Variants in PES1 observed in about 807,000 individuals in gnomAD.
PES1 encodes the protein pescadillo homolog.
PES1 carries 31 observed loss-of-function variants against 77.1 expected under a neutral mutation model. The ratio of observed to expected loss-of-function variants is 0.40; its 90% CI spans 0.30 to 0.54. PES1 has a LOEUF of 0.54. Among genes scored for constraint, PES1 ranks in the 20% least tolerant of loss-of-function variants. PES1 has a pLI of 0.45. For synonymous variants in PES1, 282 were observed against 303.0 expected, an observed-to-expected ratio of 0.93 and a Z score of 0.72; for missense variants, 658 against 771.7, an observed-to-expected ratio of 0.85 and a Z score of 1.75.
At chr22:30,577,219 G>C (rs1300054348) in intron 14 of PES1, 90 bp from the exon 15 acceptor site, 2 of 1,102,144 alleles carry the variant, frequency 1.8e-6, no homozygotes, top group African/African-American at 3.1e-5. Context: ...CTTAAAAGCA[G>C]AGCTTCAAGA....
At chr22:30,603,728 A>G (rs1220200715) in intron 2 of PES1, 1 of 152,220 alleles carries the variant, frequency 6.6e-6, no homozygotes, top group East Asian at 1.9e-4. Flanking sequence ...ACTAAAATAG[A>G]TATTTCATAT....
In PES1 at chr22:30,587,268, G is replaced by C. The variant is rs779311526; in HGVS notation, c.368+18C>G. On this transcript the variant is annotated intron_variant, in intron 4 of 14. Coordinates refer to ENST00000354694, the MANE Select transcript of PES1 (RefSeq NM_014303.4). The stretch of plus-strand genomic sequence containing the variant: ...GTAAATGAAGAAACAGCAGTGTCCT[G>C]AGGAAAGCCCGGCTCACCGTTCCTT... 5 of 1,549,686 alleles carry C rather than the reference G, an allele frequency of 3.2e-6. No individual in the cohort carries two copies. In the South Asian group the frequency reaches 5.6e-5, roughly 17 times the overall value.
upstream of PES1, chr22:30,591,923 C>T: frequency 6.7e-7 from 1 of 1,483,026 alleles, no homozygotes; most frequent in African/African-American, 1.4e-5. Flanking sequence ...CGAGGACCCT[C>T]CCCACCCCAC....
chr22:30,595,945 C>G (rs1181210537), upstream of PES1, among the ~76,000 whole-genome samples: 5 of 152,182 alleles, frequency 3.3e-5, no homozygotes, highest in Non-Finnish European at 7.3e-5. Context: ...GGGACAGTCT[C>G]TAGCCAACCA....
chr22:30,580,735 G>C, intron 9 of PES1, 34 bp from the exon 10 acceptor site: 3 of 1,610,934 alleles, frequency 1.9e-6, no homozygotes, highest in Non-Finnish European at 2.5e-6. Flanking sequence ...CGCACCACCA[G>C]GGCTGCCCAC....
At chr22:30,588,885 G>A (rs997122500) in intron 2 of PES1, among the ~76,000 whole-genome samples, 1 of 152,188 alleles carries the variant, frequency 6.6e-6, no homozygotes, top group South Asian at 2.1e-4. Flanking sequence ...TTGACTCTAT[G>A]AGGAATGAGA....
In PES1 at chr22:30,584,423, T is replaced by A. The variant is rs2087038277; in HGVS notation, c.572A>T (p.Gln191Leu). 2 of 1,612,326 alleles carry A rather than the reference T, an allele frequency of 1.2e-6. No individual in the cohort carries two copies. The highest frequency in any genetic ancestry group is 1.3e-5 in the African/African-American group (1 of 74,880). Reference protein sequence around the residue: ...VFLSIKGIYYQAEVLGQPIVW... With the variant: ...VFLSIKGIYYLAEVLGQPIVW... ...GATGGGCTGCCCCAGTACCTCGGCC[T>A]GGTAGTAAATGCCTTTGATGGACAG... is the stretch of plus-strand genomic sequence containing the variant. Residue 191 changes from glutamine to leucine, a missense_variant, in exon 6 of 15, where the codon CAG becomes CTG. Gln to Leu is a moderately radical substitution (Grantham distance 113, BLOSUM62 -2). Coordinates refer to ENST00000354694, the MANE Select transcript of PES1 (RefSeq NM_014303.4).
chr22:30,581,856 A>G (rs1029786757), intron 6 of PES1, among the ~76,000 whole-genome samples: 2 of 152,106 alleles, frequency 1.3e-5, no homozygotes, highest in Non-Finnish European at 2.9e-5. Context: ...GCCACAAGTG[A>G]GGCTCTGGAT....
chr22:30,588,148 T>C lies in PES1; in HGVS notation c.131A>G (p.Tyr44Cys). The C allele has an allele frequency of 6.2e-7, 1 of 1,614,188 alleles. No homozygotes were observed. The highest frequency in any genetic ancestry group is 2.2e-5 in the East Asian group (1 of 44,888). ...FRRLCILKGI[Y>C]PHEPKHKKKV... ...CTTCTTGTGTTTGGGTTCATGGGGA[T>C]AAATGCCCTTCAGAATGCACAGCCG... Residue 44 changes from tyrosine to cysteine, a missense_variant, in exon 3 of 15, where the codon TAT becomes TGT. Physicochemically the swap from Tyr to Cys is radical, Grantham distance 194. Transcript: ENST00000354694.
rs531260316 is a variant in PES1, at chr22:30,576,741, G to A, written c.*305C>T. ...TGTGGGAGGGGGCTGTGGAAAGCCA[G>A]GATGAATGGGGGCAGTAGGTAGGGG... is the stretch of plus-strand genomic sequence containing the variant. On this transcript the variant is annotated 3_prime_UTR_variant, in exon 15 of 15. Transcript: ENST00000354694. The A allele has an allele frequency of 2.3e-5, 10 of 430,648 alleles. No homozygotes were observed. The highest frequency in any genetic ancestry group is 3.8e-5 in the Non-Finnish European group (9 of 238,888). 26.7% of individuals were successfully genotyped at this position (430,648 alleles called of 1,614,324 possible).
At chr22:30,599,343 G>A (rs1031374544) in intron 2 of PES1, among the ~76,000 whole-genome samples, 5 of 152,168 alleles carry the variant, frequency 3.3e-5, no homozygotes, top group Admixed American at 3.3e-4. Context: ...CTTTAAGGGT[G>A]TTGGGGGTTT....
chr22:30,591,090 G>C (rs1345679289), intron 1 of PES1, among the ~76,000 whole-genome samples: 1 of 152,080 alleles, frequency 6.6e-6, no homozygotes. Flanking sequence ...AGAACTCCCT[G>C]AAAAACTCTA....
At chr22:30,605,557 C>G in intron 1 of PES1, 1 of 929,888 alleles carries the variant, frequency 1.1e-6, no homozygotes, top group Non-Finnish European at 1.3e-6. Context: ...TGGAAACAGG[C>G]AGAGGGTTGG....
At chr22:30,596,654 T>C (rs569599974), upstream of PES1, among the ~76,000 whole-genome samples, 1 of 152,348 alleles carries the variant, frequency 6.6e-6, no homozygotes, top group East Asian at 1.9e-4. Context: ...CAACCATCTT[T>C]TATAAACCGA....
intron 6 of PES1, among the ~76,000 whole-genome samples, chr22:30,581,882 T>C (rs75060430): frequency 0.016 from 2,406 of 152,218 alleles, 45 homozygotes; most frequent in Non-Finnish European, 0.02. Flanking sequence ...TCCCAAGGGT[T>C]AGACGCATCC....
At chr22:30,602,722 A>C (rs192498319) in intron 2 of PES1, among the ~76,000 whole-genome samples, 40 of 151,536 alleles carry the variant, frequency 2.6e-4, no homozygotes, top group African/African-American at 9.0e-4. Context: ...AAAAGGCATC[A>C]CCTCTTCTTG....
chr22:30,587,072 G>A (rs553597447), intron 4 of PES1: 10 of 537,262 alleles, frequency 1.9e-5, no homozygotes, highest in African/African-American at 1.1e-4. Flanking sequence ...TGGCTCAAAC[G>A]TCTCCCTTCA....
At chr22:30,582,895 A>C (rs1312653994) in intron 6 of PES1, among the ~76,000 whole-genome samples, 2 of 152,154 alleles carry the variant, frequency 1.3e-5, no homozygotes, top group Non-Finnish European at 2.9e-5. Context: ...CTATGAACCC[A>C]ACCCTGGCTG....
intron 1 of PES1, 133 bp downstream of exon 1, chr22:30,591,677 C>T: frequency 2.0e-6 from 2 of 981,386 alleles, no homozygotes; most frequent in Non-Finnish European, 2.9e-6. Flanking sequence ...GACCCCTTCT[C>T]GCAGCTGATT....
Sources: allele counts gnomAD v4.1 joint callset (sites outside exome capture counted in the v4.1 genomes callset), GRCh38; gene constraint gnomAD v4.1.1; transcripts MANE v1.5; gene names NCBI Gene and HGNC (gene_info 2026-07-23, HGNC 2026-07-21).